The following SOX6 variants were observed in gnomAD, a reference collection of about 807,000 sequenced individuals.
SOX6 encodes SRY-box transcription factor 6.
SOX6 carries 11 observed loss-of-function variants against 97.8 expected under a neutral mutation model. The ratio of observed to expected loss-of-function variants is 0.11; its 90% CI spans 0.07 to 0.19. The LOEUF is 0.19. Among genes scored for constraint, SOX6 ranks in the 10% least tolerant of loss-of-function variants. The pLI, the probability that SOX6 is intolerant of heterozygous loss-of-function variation, is 1.00. For synonymous variants in SOX6, 360 were observed against 371.4 expected, an observed-to-expected ratio of 0.97 and a Z score of 0.35; for missense variants, 810 against 1,039.5, an observed-to-expected ratio of 0.78 and a Z score of 3.04.
At chr11:15,974,720 G>A (rs183019570) in intron 15 of SOX6, among the ~76,000 whole-genome samples, 20 of 152,216 alleles carry the variant, frequency 1.3e-4, no homozygotes, top group Non-Finnish European at 8.8e-5. Context: ...GGCAGAGGGA[G>A]AAGGGATGCA....
intron 4 of SOX6, among the ~76,000 whole-genome samples, chr11:16,580,032 A>G (rs1419862087): frequency 6.6e-6 from 1 of 152,166 alleles, no homozygotes; most frequent in Middle Eastern, 3.2e-3. Flanking sequence ...ATTATAAAAC[A>G]GAATATATAT....
At chr11:16,296,499 C>T (rs1855094434) in intron 3 of SOX6, among the ~76,000 whole-genome samples, 1 of 152,100 alleles carries the variant, frequency 6.6e-6, no homozygotes, top group African/African-American at 2.4e-5. Context: ...GAATTTGAGA[C>T]ACTAGAAGGT....
At chr11:16,583,712 G>A (rs778363953) in intron 4 of SOX6, among the ~76,000 whole-genome samples, 1 of 148,952 alleles carries the variant, frequency 6.7e-6, no homozygotes, top group Non-Finnish European at 1.5e-5. Flanking sequence ...GAATAGTGCT[G>A]TAATAAACAT....
At chr11:16,367,759 G>A (rs537974568) in intron 1 of SOX6, among the ~76,000 whole-genome samples, 2 of 152,188 alleles carry the variant, frequency 1.3e-5, no homozygotes, top group African/African-American at 4.8e-5. Context: ...AATTTCCAAA[G>A]GACTAAACAC....
intron 15 of SOX6, among the ~76,000 whole-genome samples, chr11:15,979,568 T>C (rs1853601964): frequency 6.6e-6 from 1 of 152,154 alleles, no homozygotes; most frequent in African/African-American, 2.4e-5. Flanking sequence ...ATAACTTGGT[T>C]CCTTATTATG....
intron 4 of SOX6, chr11:16,484,618 C>T: frequency 3.0e-6 from 2 of 675,788 alleles, no homozygotes; most frequent in South Asian, 3.2e-5. Context: ...TCCAGGTGCC[C>T]AGCCCCAGGA....
chr11:16,082,173 C>G (rs1479189712), intron 9 of SOX6, among the ~76,000 whole-genome samples: 1 of 152,082 alleles, frequency 6.6e-6, no homozygotes, highest in Admixed American at 6.5e-5. Context: ...GGTTGGTCCT[C>G]TTCTGGAAAG....
intron 2 of SOX6, among the ~76,000 whole-genome samples, chr11:16,322,160 T>C (rs1855946292): frequency 6.6e-6 from 1 of 152,138 alleles, no homozygotes; most frequent in Admixed American, 6.6e-5. Context: ...AGGCAAAATA[T>C]CTGATATGGC....
chr11:16,355,469 G>A (rs1336102058), intron 1 of SOX6, among the ~76,000 whole-genome samples: 1 of 151,920 alleles, frequency 6.6e-6, no homozygotes, highest in Non-Finnish European at 1.5e-5. Flanking sequence ...TCAATACATA[G>A]TTATAGCATT....
intron 1 of SOX6, among the ~76,000 whole-genome samples, chr11:16,435,352 T>C (rs560837889): frequency 6.6e-6 from 1 of 152,320 alleles, no homozygotes; most frequent in Admixed American, 6.5e-5. Context: ...CCGAATTATC[T>C]TTAAATTGTC....
At chr11:16,604,537 G>A (rs1358316817) in intron 4 of SOX6, among the ~76,000 whole-genome samples, 2 of 152,194 alleles carry the variant, frequency 1.3e-5, no homozygotes, top group Admixed American at 6.5e-5. Flanking sequence ...TAGCACCGGC[G>A]CCCGGGACGC....
intron 4 of SOX6, among the ~76,000 whole-genome samples, chr11:16,522,999 C>A (rs1198330348): frequency 6.6e-6 from 1 of 152,180 alleles, no homozygotes; most frequent in Admixed American, 6.5e-5. Context: ...TAGAGACCTA[C>A]AAAGAGACTT....
intron 1 of SOX6, among the ~76,000 whole-genome samples, chr11:16,466,205 C>T (rs572650450): frequency 3.5e-4 from 54 of 152,314 alleles, no homozygotes; most frequent in Middle Eastern, 3.4e-3. Flanking sequence ...CTTTAACTCA[C>T]ATTTTTATGC....
chr11:16,000,736 G>A (rs1381936742), intron 13 of SOX6, among the ~76,000 whole-genome samples: 10 of 122,858 alleles, frequency 8.1e-5, no homozygotes, highest in African/African-American at 3.5e-4. Flanking sequence ...GTGTGCGCGC[G>A]TGCGCGTGTG....
At chr11:16,295,364 C>A (rs987554894) in intron 3 of SOX6, among the ~76,000 whole-genome samples, 2 of 151,932 alleles carry the variant, frequency 1.3e-5, no homozygotes, top group Non-Finnish European at 2.9e-5. Context: ...GGAAGCTATG[C>A]CAAAATGATG....
chr11:16,154,171 T>C (rs1053855461), intron 6 of SOX6, among the ~76,000 whole-genome samples: 52 of 151,970 alleles, frequency 3.4e-4, no homozygotes, highest in African/African-American at 1.3e-3. Flanking sequence ...AGGCCAACAA[T>C]GAAGATACCT....
In SOX6 at chr11:15,972,770, G is replaced by T; in HGVS notation, c.*39C>A. ...ATAACTCTTTGTTGGGGAGGGGGGTGAAATGTCAGAGTACTTTAATTCAGC... is the reference window on the plus strand; with the variant it reads ...ATAACTCTTTGTTGGGGAGGGGGGTTAAATGTCAGAGTACTTTAATTCAGC... On this transcript the variant is annotated 3_prime_UTR_variant, in exon 16 of 16. Coordinates refer to ENST00000683767, the MANE Select transcript of SOX6 (RefSeq NM_001367873.1). 1 of 1,609,842 alleles carries T rather than the reference G, an allele frequency of 6.2e-7. No homozygotes were observed. Among genetic ancestry groups the T allele is most frequent in the Non-Finnish European group, 8.5e-7 (1 of 1,176,258 alleles).
At chr11:16,411,774 T>C (rs1260853264) in intron 1 of SOX6, among the ~76,000 whole-genome samples, 2 of 152,210 alleles carry the variant, frequency 1.3e-5, no homozygotes, top group East Asian at 1.9e-4. Context: ...AAATTTTCTT[T>C]CAAATCCAGA....
chr11:16,457,269 C>T (rs1760449762), intron 1 of SOX6, among the ~76,000 whole-genome samples: 2 of 152,090 alleles, frequency 1.3e-5, no homozygotes, highest in South Asian at 4.1e-4. Context: ...TGATGTAGGC[C>T]TCCTTAGTAC....
Sources: gnomAD v4.1 joint callset for allele counts (sites outside exome capture counted in the v4.1 genomes callset) on GRCh38, gnomAD v4.1.1 for gene constraint, MANE v1.5 for transcripts, NCBI Gene and HGNC (gene_info 2026-07-23, HGNC 2026-07-21) for gene names.